The following PYGB variants were observed in gnomAD, a reference collection of about 807,000 sequenced individuals.
PYGB encodes glycogen phosphorylase B.
A neutral mutation model predicts 94.3 loss-of-function variants in PYGB; 82 were observed. That is an observed-to-expected ratio of 0.87 (90% confidence interval 0.73 to 1.04). The LOEUF is 1.04. PYGB is among the 50% of genes least tolerant of loss of function. The pLI, the probability that PYGB is intolerant of heterozygous loss-of-function variation, is 0.00. For synonymous variants in PYGB, 488 were observed against 479.1 expected (o/e 1.02, Z -0.24); for missense variants, 1,132 against 1,158.2 (o/e 0.98, Z 0.33).
At chr20:25,285,238 G>A (rs575895623) in intron 14 of PYGB, 1 of 152,280 alleles carries the variant, frequency 6.6e-6, no homozygotes, top group South Asian at 2.1e-4. Flanking sequence ...ATGGTGCACG[G>A]GAACTTTGCA....
chr20:25,277,858 T>C (rs966838707), intron 7 of PYGB, among the ~76,000 whole-genome samples: 2 of 152,258 alleles, frequency 1.3e-5, no homozygotes, highest in Admixed American at 6.5e-5. Flanking sequence ...TTCTTTTTGT[T>C]GTTGTTGCCT....
intron 16 of PYGB, among the ~76,000 whole-genome samples, chr20:25,291,904 G>A (rs1474232496): frequency 1.4e-5 from 2 of 147,414 alleles, no homozygotes; most frequent in Admixed American, 1.4e-4. Flanking sequence ...CTGAGGGACA[G>A]GCACAGAGAA....
chr20:25,283,981 G>T, intron 13 of PYGB, 123 bp from the exon 14 acceptor site: 1 of 1,196,170 alleles, frequency 8.4e-7, no homozygotes. Flanking sequence ...CTCAGCTCCA[G>T]CCTGTATACC....
chr20:25,269,142 T>A lies in PYGB; in HGVS notation c.359T>A (p.Leu120Ter). Residue 120 changes from leucine (L) to a stop codon, truncating the protein, a stop_gained, in exon 3 of 20, where the codon TTG becomes TAG. Coordinates refer to ENST00000216962, the MANE Select transcript of PYGB (RefSeq NM_002862.4). LOFTEE classifies it high-confidence loss of function. ...TTTTGTTTGCAGTTGGGGTTAGACT[T>A]GGAGGAACTCGAGGAGATAGAAGAA... ...DEAIYQLGLD[L>*]EELEEIEEDA... 1 of 1,590,508 alleles carries A rather than the reference T, an allele frequency of 6.3e-7. No individual in the cohort carries two copies. Among genetic ancestry groups the A allele is most frequent in the Non-Finnish European group, 8.6e-7 (1 of 1,158,436 alleles).
intron 5 of PYGB, 139 bp downstream of exon 5, chr20:25,274,862 G>C (rs1431442022): frequency 7.5e-7 from 1 of 1,325,072 alleles, no homozygotes; most frequent in South Asian, 1.4e-5. Flanking sequence ...AGCCGGGGGA[G>C]GTTTATTCTC....
intron 16 of PYGB, 152 bp from the exon 17 acceptor site, chr20:25,292,254 G>A: frequency 1.2e-6 from 1 of 860,794 alleles, no homozygotes; most frequent in Non-Finnish European, 1.7e-6. Flanking sequence ...GGGCCCCTGT[G>A]GGAGCGGGAG....
At chr20:25,264,049 A>T (rs1272140504) in intron 2 of PYGB, among the ~76,000 whole-genome samples, 1 of 152,240 alleles carries the variant, frequency 6.6e-6, no homozygotes, top group Non-Finnish European at 1.5e-5. Context: ...GGCAAACCAA[A>T]TCCAGCAGCA....
rs2258719 is a variant in PYGB, at chr20:25,295,207, C to T, written c.2313-397C>T. ...AGGCAAATCCCAGTTAGACTTAAGA[C>T]GGCAAATGGAGATGCCGTTCCCCAG... On this transcript the variant is annotated intron_variant, in intron 18 of 19. Transcript: ENST00000216962. Among the ~76,000 whole-genome samples, 58,229 of 152,174 alleles carry T rather than the reference C, an allele frequency of 0.38. 12,735 individuals are homozygous for T. The highest frequency in any genetic ancestry group is 0.92 in the East Asian group (4,740 of 5,180).
At chr20:25,269,352 G>A (rs1215805374) in intron 3 of PYGB, 145 bp downstream of exon 3, 2 of 603,148 alleles carry the variant, frequency 3.3e-6, no homozygotes, top group Middle Eastern at 9.1e-4. Context: ...TTGAAATCTT[G>A]CCACTAGTGG....
chr20:25,296,196 G>C (rs895778891), intron 19 of PYGB, among the ~76,000 whole-genome samples, 174 bp from the exon 20 acceptor site: 1 of 152,136 alleles, frequency 6.6e-6, no homozygotes, highest in African/African-American at 2.4e-5. Flanking sequence ...TAGCTTTCCT[G>C]GTCCGTGGGG....
intron 17 of PYGB, 92 bp from the exon 18 acceptor site, chr20:25,294,066 G>A: frequency 6.5e-7 from 1 of 1,535,052 alleles, no homozygotes; most frequent in Non-Finnish European, 8.8e-7. Flanking sequence ...GCCATCCTGG[G>A]GCAGGGGCTG....
intron 2 of PYGB, among the ~76,000 whole-genome samples, chr20:25,263,868 A>G (rs929957197): frequency 6.6e-6 from 1 of 152,252 alleles, no homozygotes; most frequent in Non-Finnish European, 1.5e-5. Flanking sequence ...AGGAGCTGCT[A>G]CCATTCCTTC....
chr20:25,291,712 C>G (rs2088469265), intron 16 of PYGB, among the ~76,000 whole-genome samples: 5 of 152,114 alleles, frequency 3.3e-5, no homozygotes. Context: ...CCAGCTGACT[C>G]CTGCTCATCT....
chr20:25,281,294 G>A (rs970102856), intron 11 of PYGB, among the ~76,000 whole-genome samples, 182 bp downstream of exon 11: 23 of 152,322 alleles, frequency 1.5e-4, no homozygotes, highest in Admixed American at 1.3e-3. Flanking sequence ...CTTGTTGTGC[G>A]TTCACCGACC....
In PYGB at chr20:25,290,551, A is replaced by G; in HGVS notation, c.1898A>G (p.His633Arg). 1.2e-6 allele frequency: 2 copies of G among 1,612,114 alleles called. No homozygotes were observed. Among genetic ancestry groups the G allele is most frequent in the Non-Finnish European group, 1.7e-6 (2 of 1,178,224 alleles). ...ACCTCCATCGGCGACGTCGTCAATC[A>G]TGACCCAGTTGTGGGTGACAGGTTG... ...LVTSIGDVVN[H>R]DPVVGDRLKV... Residue 633 changes from histidine (H) to arginine (R), a missense_variant, in exon 16 of 20, where the codon CAT becomes CGT. His to Arg is a conservative substitution (Grantham distance 29). Coordinates refer to ENST00000216962, the MANE Select transcript of PYGB (RefSeq NM_002862.4).
At chr20:25,284,692 C>T (rs2088402158) in intron 14 of PYGB, among the ~76,000 whole-genome samples, 1 of 152,206 alleles carries the variant, frequency 6.6e-6, no homozygotes, top group African/African-American at 2.4e-5. Context: ...TCCCAAAAGG[C>T]TGGGGTTATA....
intron 13 of PYGB, among the ~76,000 whole-genome samples, chr20:25,283,695 C>G (rs1003507883): frequency 5.9e-5 from 9 of 152,234 alleles, no homozygotes; most frequent in Non-Finnish European, 1.2e-4. Context: ...GTCACGGCAG[C>G]CTTCAAACCT....
rs1001028990 is a variant in PYGB at position 25,294,401 on chromosome 20, A to G, written c.2312+109A>G. 4 of 1,360,154 alleles carry G rather than the reference A, an allele frequency of 2.9e-6. No homozygotes were observed. In the African/African-American group the frequency reaches 4.3e-5, roughly 15 times the overall value. The allele number at this position is 1,360,154 out of a possible 1,614,324, so 84.3% of individuals were successfully genotyped here. ...TTTGGAGAGCAAAACCCGTGCTTTC[A>G]GGACGTCTTCTCCACTGTGCCCATG... On this transcript the variant is annotated intron_variant, in intron 18 of 19. Transcript: ENST00000216962.
chr20:25,286,422 G>A (rs771000229), intron 14 of PYGB, among the ~76,000 whole-genome samples: 19 of 152,080 alleles, frequency 1.2e-4, no homozygotes, highest in Non-Finnish European at 2.5e-4. Context: ...CCTCCCTGAG[G>A]ACTTGGCATT....
Sources: allele counts gnomAD v4.1 joint callset (sites outside exome capture counted in the v4.1 genomes callset), GRCh38; gene constraint gnomAD v4.1.1; transcripts MANE v1.5; gene names NCBI Gene and HGNC (gene_info 2026-07-23, HGNC 2026-07-21).